The following CCSER1 variants were observed in gnomAD, a reference collection of about 807,000 sequenced individuals.
CCSER1 encodes serine-rich coiled-coil domain-containing protein 1.
A neutral mutation model predicts 82.0 loss-of-function variants in CCSER1; 41 were observed. The ratio of observed to expected loss-of-function variants is 0.50; its 90% CI spans 0.39 to 0.65. The LOEUF (loss-of-function observed/expected upper bound fraction) is 0.65, where lower values mean the gene tolerates loss of function less well. Ranked by LOEUF, CCSER1 falls within the 30% of genes least tolerant of loss-of-function variation. The pLI, the probability that CCSER1 is intolerant of heterozygous loss-of-function variation, is 0.00. For missense variants in CCSER1, 1,119 were observed against 1,064.2 expected, an observed-to-expected ratio of 1.05 and a Z score of -0.72; for synonymous variants, 414 against 383.9, an observed-to-expected ratio of 1.08 and a Z score of -0.92.
At chr4:91,307,545 C>T (rs759362266) in intron 10 of CCSER1, among the ~76,000 whole-genome samples, 2 of 151,854 alleles carry the variant, frequency 1.3e-5, no homozygotes, top group South Asian at 2.1e-4. Flanking sequence ...CCATGGCTGA[C>T]GTTTTTTCAG....
intron 10 of CCSER1, among the ~76,000 whole-genome samples, chr4:91,174,155 T>A (rs1406819773): frequency 6.6e-6 from 1 of 152,188 alleles, no homozygotes; most frequent in Admixed American, 6.5e-5. Flanking sequence ...CCCATCACTT[T>A]GAAAAACTGT....
intron 7 of CCSER1, among the ~76,000 whole-genome samples, chr4:90,727,774 G>A (rs780505364): frequency 1.4e-4 from 22 of 152,244 alleles, no homozygotes; most frequent in Middle Eastern, 6.8e-3. Flanking sequence ...TGTTCTTTTT[G>A]CTAGTAATGT....
intron 10 of CCSER1, among the ~76,000 whole-genome samples, chr4:91,103,797 T>A (rs946349572): frequency 6.6e-6 from 1 of 152,004 alleles, no homozygotes; most frequent in African/African-American, 2.4e-5. Context: ...AAGAAGAGAA[T>A]AACAGCGATT....
At chr4:90,934,473 T>C (rs1730673268) in intron 9 of CCSER1, among the ~76,000 whole-genome samples, 1 of 152,138 alleles carries the variant, frequency 6.6e-6, no homozygotes, top group Non-Finnish European at 1.5e-5. Flanking sequence ...CCTGAAAAAG[T>C]ATAAACCTTT....
chr4:90,522,085 C>A (rs1773209747), intron 5 of CCSER1, among the ~76,000 whole-genome samples: 1 of 152,170 alleles, frequency 6.6e-6, no homozygotes, highest in Admixed American at 6.5e-5. Flanking sequence ...ACTCCAAAAT[C>A]TGGTCTGATT....
chr4:91,462,541 G>T (rs756396784), intron 10 of CCSER1, among the ~76,000 whole-genome samples: 1 of 152,080 alleles, frequency 6.6e-6, no homozygotes, highest in African/African-American at 2.4e-5. Context: ...CACCGAGTGT[G>T]AGCCAAAGCA....
chr4:90,144,568 G>C (rs2153342838), intron 1 of CCSER1, among the ~76,000 whole-genome samples: 1 of 152,218 alleles, frequency 6.6e-6, no homozygotes, highest in East Asian at 1.9e-4. Flanking sequence ...AGCAGTGAGG[G>C]AAAAATGTGA....
intron 8 of CCSER1, among the ~76,000 whole-genome samples, chr4:90,837,560 C>T (rs1187639467): frequency 2.6e-5 from 4 of 151,978 alleles, no homozygotes; most frequent in Non-Finnish European, 4.4e-5. Flanking sequence ...GTACTTAGTA[C>T]GATGACTGAA....
At chr4:90,423,869 C>T (rs1326874984) in intron 4 of CCSER1, among the ~76,000 whole-genome samples, 1 of 151,412 alleles carries the variant, frequency 6.6e-6, no homozygotes. Flanking sequence ...TTTGGGAGGT[C>T]AAGGTGGGCG....
At chr4:91,048,403 T>A (rs1421407815) in intron 9 of CCSER1, among the ~76,000 whole-genome samples, 1 of 152,032 alleles carries the variant, frequency 6.6e-6, no homozygotes, top group African/African-American at 2.4e-5. Context: ...CTATAATTTT[T>A]AAAAAACCCT....
At chr4:91,439,573 C>G (rs1207814271) in intron 10 of CCSER1, among the ~76,000 whole-genome samples, 1 of 151,806 alleles carries the variant, frequency 6.6e-6, no homozygotes, top group Non-Finnish European at 1.5e-5. Context: ...ACTGCATCAA[C>G]TAACAAGCAA....
At chr4:91,334,259 G>A (rs1747165531) in intron 10 of CCSER1, among the ~76,000 whole-genome samples, 1 of 151,870 alleles carries the variant, frequency 6.6e-6, no homozygotes, top group African/African-American at 2.4e-5. Context: ...AAACTCTCTT[G>A]CTCATGCCTT....
intron 5 of CCSER1, among the ~76,000 whole-genome samples, chr4:90,604,465 T>A (rs1203288769): frequency 6.6e-6 from 1 of 152,238 alleles, no homozygotes; most frequent in East Asian, 1.9e-4. Context: ...TCAACATCTA[T>A]AAAACTGCTA....
chr4:91,254,618 G>C (rs917301398), intron 10 of CCSER1, among the ~76,000 whole-genome samples: 1 of 152,032 alleles, frequency 6.6e-6, no homozygotes, highest in Non-Finnish European at 1.5e-5. Context: ...AGTTGGATGG[G>C]GGCAATAGTT....
intron 1 of CCSER1, among the ~76,000 whole-genome samples, chr4:90,153,373 T>G (rs1402617164): frequency 6.6e-6 from 1 of 152,174 alleles, no homozygotes; most frequent in East Asian, 1.9e-4. Context: ...TATAGCAGCA[T>G]GATTTACAGT....
intron 7 of CCSER1, among the ~76,000 whole-genome samples, chr4:90,756,089 G>A (rs1280587739): frequency 6.6e-6 from 1 of 152,062 alleles, no homozygotes; most frequent in Non-Finnish European, 1.5e-5. Flanking sequence ...CTAGCCAGGC[G>A]TGGTGGCAGG....
intron 1 of CCSER1, among the ~76,000 whole-genome samples, chr4:90,157,056 T>C: frequency 6.6e-6 from 1 of 152,246 alleles, no homozygotes; most frequent in Admixed American, 6.5e-5. Context: ...GGAGCTCTTT[T>C]AGGGCAGTCC....
At chr4:91,143,664 T>C (rs1477231065) in intron 10 of CCSER1, among the ~76,000 whole-genome samples, 1 of 152,030 alleles carries the variant, frequency 6.6e-6, no homozygotes, top group Non-Finnish European at 1.5e-5. Context: ...CTAGTTTCTT[T>C]AGTATTTTTT....
At chr4:91,406,846 G>GT (rs1454123800) in intron 10 of CCSER1, among the ~76,000 whole-genome samples, 1 of 152,072 alleles carries the variant, frequency 6.6e-6, no homozygotes, top group Non-Finnish European at 1.5e-5. Context: ...TAAGTCCTCA[G>GT]TTTTTTTATT....
Sources: gnomAD v4.1 joint callset for allele counts (sites outside exome capture counted in the v4.1 genomes callset) on GRCh38, gnomAD v4.1.1 for gene constraint, MANE v1.5 for transcripts, NCBI Gene and HGNC (gene_info 2026-07-23, HGNC 2026-07-21) for gene names.